The following DIP2C variants were observed in gnomAD, a reference collection of about 807,000 sequenced individuals.
DIP2C encodes DIP2 acetate--CoA ligase C (putative).
In DIP2C, 33 loss-of-function variants were observed where a neutral mutation model predicts 192.4. The observed-to-expected ratio is 0.17, with a 90% CI of 0.13 to 0.23. DIP2C has a LOEUF of 0.23. Among genes scored for constraint, DIP2C ranks in the 10% least tolerant of loss-of-function variants. DIP2C has a pLI of 1.00. For missense variants in DIP2C, 1,537 were observed against 2,110.1 expected, an observed-to-expected ratio of 0.73 and a Z score of 5.32; for synonymous variants, 979 against 864.1, an observed-to-expected ratio of 1.13 and a Z score of -2.33.
chr10:343,255 C>T (rs1255408275), intron 28 of DIP2C, among the ~76,000 whole-genome samples: 1 of 152,244 alleles, frequency 6.6e-6, no homozygotes, highest in Non-Finnish European at 1.5e-5. Flanking sequence ...CACCACTGCA[C>T]TCCAGCCTGG....
In DIP2C at chr10:564,818, A is replaced by G. The variant is rs146716105; in HGVS notation, c.86-78288T>C. 1.2e-3 allele frequency among the ~76,000 whole-genome samples: 184 copies of G among 152,282 alleles called. 1 individual carries two copies. The highest frequency in any genetic ancestry group is 4.2e-3 in the African/African-American group (174 of 41,562). On this transcript the variant is annotated intron_variant, in intron 1 of 36. Transcript: ENST00000280886. ...CTCTTCCCATCTCAGAAAAAAACAC[A>G]TAACACGTGAGCAGAAACTGGAAAA...
chr10:347,908 G>A (rs1166801484), intron 26 of DIP2C, among the ~76,000 whole-genome samples: 35 of 141,564 alleles, frequency 2.5e-4, no homozygotes, highest in African/African-American at 9.9e-4. Flanking sequence ...GACGCGTCGC[G>A]CATAGCTCTC....
At position 563,760 on chromosome 10, in the gene DIP2C, G is replaced by A. The variant is rs1237772282; in HGVS notation, c.86-77230C>T. 3.9e-5 allele frequency among the ~76,000 whole-genome samples: 6 copies of A among 152,152 alleles called. No individual in the cohort carries two copies. In the East Asian group the frequency reaches 7.7e-4, roughly 19 times the overall value. The stretch of plus-strand genomic sequence containing the variant: ...GACTTTTAAAGATTATTAGTCTTTC[G>A]GTGAGAATGGTTGCTTAACAAGTTC... On this transcript the variant is annotated intron_variant, in intron 1 of 36. Coordinates refer to ENST00000280886, the MANE Select transcript of DIP2C (RefSeq NM_014974.3).
intron 1 of DIP2C, among the ~76,000 whole-genome samples, chr10:554,442 A>G (rs1184777852): frequency 6.6e-6 from 1 of 152,238 alleles, no homozygotes; most frequent in East Asian, 1.9e-4. Flanking sequence ...AAGGTATTAA[A>G]TTACCACTTT....
chr10:486,130 G>A lies in DIP2C; in HGVS notation c.157+329C>T, dbSNP rs553770447. On this transcript the variant is annotated intron_variant, in intron 2 of 36. Transcript: ENST00000280886. ...GCCTTGGATTAAACCAGAATCAATA[G>A]TAATAAATAGCTCTCTAAACCAAAT... Among the ~76,000 whole-genome samples the A allele has an allele frequency of 4.4e-4, 66 of 149,338 alleles. 1 individual carries two copies. In the South Asian group the frequency reaches 0.014, roughly 32 times the overall value.
At chr10:581,327 G>A (rs1386750297) in intron 1 of DIP2C, among the ~76,000 whole-genome samples, 1 of 152,168 alleles carries the variant, frequency 6.6e-6, no homozygotes, top group East Asian at 1.9e-4. Flanking sequence ...CAAGTATGAT[G>A]GTCAAACAGT....
At chr10:680,416 C>G (rs1831089232) in intron 1 of DIP2C, among the ~76,000 whole-genome samples, 2 of 152,184 alleles carry the variant, frequency 1.3e-5, no homozygotes. Flanking sequence ...ACTTGACACC[C>G]TTCCATGAGG....
At chr10:568,549 T>C (rs57425447) in intron 1 of DIP2C, among the ~76,000 whole-genome samples, 26,873 of 150,692 alleles carry the variant, frequency 0.18, 3,485 homozygotes, top group African/African-American at 0.36. Flanking sequence ...GGGCGGATCA[T>C]GAGGTCAGGA....
At chr10:570,969 C>A (rs1588484303) in intron 1 of DIP2C, among the ~76,000 whole-genome samples, 1 of 152,364 alleles carries the variant, frequency 6.6e-6, no homozygotes, top group Non-Finnish European at 1.5e-5. Flanking sequence ...ACGACTCCCA[C>A]CGGAGCCCCG....
chr10:435,506 T>C (rs1232072293), intron 4 of DIP2C, among the ~76,000 whole-genome samples: 1 of 152,220 alleles, frequency 6.6e-6, no homozygotes, highest in Non-Finnish European at 1.5e-5. Context: ...TACAGCAATT[T>C]GTCAATTCCA....
At chr10:589,818 A>C (rs552763920) in intron 1 of DIP2C, among the ~76,000 whole-genome samples, 2 of 152,344 alleles carry the variant, frequency 1.3e-5, no homozygotes, top group South Asian at 2.1e-4. Context: ...GTGAAACCTT[A>C]ACACACAAGG....
chr10:624,657 G>C (rs1288869679), intron 1 of DIP2C, among the ~76,000 whole-genome samples: 1 of 152,186 alleles, frequency 6.6e-6, no homozygotes, highest in Non-Finnish European at 1.5e-5. Flanking sequence ...GCGAGCGTCG[G>C]TCTTGCTCTG....
intron 1 of DIP2C, among the ~76,000 whole-genome samples, chr10:545,666 G>A (rs1048199779): frequency 1.3e-5 from 2 of 152,172 alleles, no homozygotes; most frequent in Non-Finnish European, 2.9e-5. Context: ...CACAGTCTGC[G>A]GTGTCTGTTA....
At chr10:662,851 A>C (rs1383377499) in intron 1 of DIP2C, 4 of 717,544 alleles carry the variant, frequency 5.6e-6, no homozygotes, top group South Asian at 3.0e-5. Flanking sequence ...CCACACCCAC[A>C]GCCAGCAGAA....
At chr10:421,662 A>G (rs983610794) in intron 5 of DIP2C, among the ~76,000 whole-genome samples, 7 of 152,234 alleles carry the variant, frequency 4.6e-5, no homozygotes, top group African/African-American at 1.4e-4. Context: ...GCATTTGAGT[A>G]TTACTTTACA....
intron 1 of DIP2C, among the ~76,000 whole-genome samples, chr10:600,649 C>A (rs901047401): frequency 6.6e-6 from 1 of 152,080 alleles, no homozygotes; most frequent in African/African-American, 2.4e-5. Context: ...GCCCTTTCCA[C>A]CTTAAAGAGG....
intron 1 of DIP2C, among the ~76,000 whole-genome samples, chr10:560,951 C>A (rs537801877): frequency 6.6e-6 from 1 of 152,094 alleles, no homozygotes; most frequent in African/African-American, 2.4e-5. Flanking sequence ...GCCTTGGTCT[C>A]CACACAACCC....
intron 7 of DIP2C, among the ~76,000 whole-genome samples, chr10:414,899 TATATA>T (rs1965518953): frequency 9.3e-6 from 1 of 107,004 alleles, no homozygotes; most frequent in Non-Finnish European, 2.1e-5. Flanking sequence ...TGTATATATA[TATATA>T]TATTTTTTTT....
At chr10:418,871 G>A (rs569909988) in intron 6 of DIP2C, among the ~76,000 whole-genome samples, 194 bp downstream of exon 6, 21 of 152,212 alleles carry the variant, frequency 1.4e-4, no homozygotes, top group Non-Finnish European at 2.9e-4. Flanking sequence ...AGGAATAACT[G>A]TGGGCTCACT....
Sources: allele counts gnomAD v4.1 joint callset (sites outside exome capture counted in the v4.1 genomes callset), GRCh38; gene constraint gnomAD v4.1.1; transcripts MANE v1.5; gene names NCBI Gene and HGNC (gene_info 2026-07-23, HGNC 2026-07-21).